MYO6: variants seen among roughly 807,000 people sequenced by gnomAD.
MYO6 encodes myosin VI.
A neutral mutation model predicts 178.7 loss-of-function variants in MYO6; 74 were observed. The observed-to-expected ratio is 0.41, with a 90% CI of 0.34 to 0.50. The LOEUF is 0.50. Among genes scored for constraint, MYO6 ranks in the 20% least tolerant of loss-of-function variants. The pLI is 0.09. For missense variants in MYO6, 1,330 were observed against 1,547.4 expected (o/e 0.86, Z 2.36); for synonymous variants, 477 against 504.6 (o/e 0.95, Z 0.73).
chr6:75,907,076 T>C (rs925890911), intron 30 of MYO6, among the ~76,000 whole-genome samples: 1 of 152,208 alleles, frequency 6.6e-6, no homozygotes, highest in African/African-American at 2.4e-5. Flanking sequence ...TACTTACCTA[T>C]GTACTCTGTA....
At chr6:75,888,395 A>T (rs1312968826) in intron 25 of MYO6, among the ~76,000 whole-genome samples, 1 of 152,142 alleles carries the variant, frequency 6.6e-6, no homozygotes, top group Non-Finnish European at 1.5e-5. Flanking sequence ...CGCAGGGATC[A>T]CCTGAGCTCA....
intron 3 of MYO6, among the ~76,000 whole-genome samples, chr6:75,825,251 G>A (rs1772342275): frequency 1.3e-5 from 2 of 152,234 alleles, no homozygotes; most frequent in Middle Eastern, 3.4e-3. Flanking sequence ...AATGTTCTTC[G>A]TGAATTATTG....
At chr6:75,892,042 T>C (rs1408848055) in intron 27 of MYO6, among the ~76,000 whole-genome samples, 3 of 152,198 alleles carry the variant, frequency 2.0e-5, no homozygotes, top group Non-Finnish European at 4.4e-5. Flanking sequence ...ATCATATAAC[T>C]TTGTAGATAC....
At chr6:75,864,611 G>C (rs1041901136) in intron 16 of MYO6, among the ~76,000 whole-genome samples, 3 of 152,140 alleles carry the variant, frequency 2.0e-5, no homozygotes, top group Admixed American at 1.3e-4. Context: ...ATAAGCAGGT[G>C]ACTTACCAGG....
chr6:75,848,996 T>C (rs532815995), intron 11 of MYO6, among the ~76,000 whole-genome samples: 3 of 152,326 alleles, frequency 2.0e-5, no homozygotes, highest in East Asian at 3.9e-4. Flanking sequence ...TTTAATCTTA[T>C]GCAGATTGAA....
intron 6 of MYO6, among the ~76,000 whole-genome samples, chr6:75,835,339 A>G (rs548688862): frequency 6.6e-6 from 1 of 152,316 alleles, no homozygotes; most frequent in South Asian, 2.1e-4. Flanking sequence ...CAGGCCACAC[A>G]TGTGCAGGTT....
rs946152659 is a variant in MYO6 at position 75,916,205 on chromosome 6, A to G, written c.*1193A>G. On this transcript the variant is annotated 3_prime_UTR_variant, in exon 35 of 35. Coordinates refer to ENST00000369977, the MANE Select transcript of MYO6 (RefSeq NM_004999.4). ...ACATAATTCTAAGGAGTTTTGTTGTATTTTAGAATAAAATTATAAAGTAAA... is the reference window on the plus strand; with the variant it reads ...ACATAATTCTAAGGAGTTTTGTTGTGTTTTAGAATAAAATTATAAAGTAAA... 7 of 152,228 alleles carry G rather than the reference A, an allele frequency of 4.6e-5. No individual in the cohort carries two copies. The highest frequency in any genetic ancestry group is 7.3e-5 in the Non-Finnish European group (5 of 68,030). 9.4% of individuals were successfully genotyped at this position (152,228 alleles called of 1,614,324 possible).
At chr6:75,885,894 GTCAAGATTTCATGTT>G in intron 23 of MYO6, 95 bp from the exon 24 acceptor site, 2 of 704,870 alleles carry the variant, frequency 2.8e-6, no homozygotes, top group Non-Finnish European at 4.9e-6. Context: ...TAATATGGTC[GTCAAGATTTCATGTT>G]TCTTGAGCAT....
At chr6:75,813,783 C>G (rs766116920) in intron 1 of MYO6, among the ~76,000 whole-genome samples, 7 of 152,120 alleles carry the variant, frequency 4.6e-5, no homozygotes, top group East Asian at 1.9e-4. Context: ...GTTCTTCCCC[C>G]CAAATCAGTG....
At chr6:75,907,839 A>G in intron 31 of MYO6, 131 bp downstream of exon 31, 2 of 599,616 alleles carry the variant, frequency 3.3e-6, no homozygotes, top group Non-Finnish European at 5.9e-6. Context: ...TACATATAAT[A>G]CCTATATTAT....
intron 2 of MYO6, 125 bp from the exon 3 acceptor site, chr6:75,822,657 T>C (rs1772012382): frequency 1.4e-6 from 1 of 713,054 alleles, no homozygotes; most frequent in Non-Finnish European, 2.5e-6. Flanking sequence ...TAGTATTATC[T>C]GTATTATATT....
chr6:75,848,375 G>C lies in MYO6; in HGVS notation c.922G>C (p.Asp308His), dbSNP rs764615017. The C allele has an allele frequency of 3.1e-6, 5 of 1,613,724 alleles. 1 individual carries two copies. Among genetic ancestry groups the C allele is most frequent in the Non-Finnish European group, 4.2e-6 (5 of 1,179,754 alleles). ...GTACCTTAAGGCAGGTTCTATGAAA[G>C]ATCCTCTGCTAGATGACCATGGTGA... The part of the protein sequence containing the change: ...PEYLKAGSMK[D>H]PLLDDHGDFI... The change falls in exon 11 of 35, where the codon GAT becomes CAT. Residue 308 changes from aspartate to histidine, a missense_variant. By Grantham distance (81) the Asp-to-His change is moderately conservative. Coordinates refer to ENST00000369977, the MANE Select transcript of MYO6 (RefSeq NM_004999.4).
intron 7 of MYO6, among the ~76,000 whole-genome samples, chr6:75,837,165 G>C (rs1307685122): frequency 6.6e-6 from 1 of 152,010 alleles, no homozygotes; most frequent in Non-Finnish European, 1.5e-5. Flanking sequence ...AATAATAATG[G>C]TGGTAATAAC....
At chr6:75,876,831 G>A (rs1214765209) in intron 20 of MYO6, among the ~76,000 whole-genome samples, 1 of 151,898 alleles carries the variant, frequency 6.6e-6, no homozygotes, top group Non-Finnish European at 1.5e-5. Context: ...TAGGTGATGA[G>A]AAAATGCAAA....
chr6:75,897,253 C>T (rs979139508), intron 29 of MYO6, among the ~76,000 whole-genome samples: 1 of 152,196 alleles, frequency 6.6e-6, no homozygotes, highest in Non-Finnish European at 1.5e-5. Flanking sequence ...ATTAAACATA[C>T]TTATCAAAAT....
At chr6:75,911,628 T>C in intron 32 of MYO6, 44 bp from the exon 33 acceptor site, 1 of 1,552,444 alleles carries the variant, frequency 6.4e-7, no homozygotes, top group East Asian at 2.2e-5. Flanking sequence ...TTTAACAGTT[T>C]TGGCATTTTT....
chr6:75,844,476 C>A (rs1357921997), intron 9 of MYO6, among the ~76,000 whole-genome samples: 1 of 152,062 alleles, frequency 6.6e-6, no homozygotes, highest in East Asian at 1.9e-4. Flanking sequence ...AATTTCTTAA[C>A]TTCTCAGAAT....
chr6:75,768,323 ATTCATTTTATTTTATTTTATTTTAT>A (rs1778613379), intron 1 of MYO6, among the ~76,000 whole-genome samples: 1 of 149,880 alleles, frequency 6.7e-6, no homozygotes. Flanking sequence ...AGTGTAAATA[ATTCATTTTATTTTATTTTATTTTAT>A]TTTATTTTAT....
At chr6:75,835,859 ATAT>A in intron 6 of MYO6, 39 bp from the exon 7 acceptor site, 2 of 1,130,766 alleles carry the variant, frequency 1.8e-6, no homozygotes, top group Non-Finnish European at 2.7e-6. Flanking sequence ...ATTGTACACC[ATAT>A]TATTGTCATC....
Sources: allele counts gnomAD v4.1 joint callset (sites outside exome capture counted in the v4.1 genomes callset), GRCh38; gene constraint gnomAD v4.1.1; transcripts MANE v1.5; gene names NCBI Gene and HGNC (gene_info 2026-07-23, HGNC 2026-07-21).